AACS: variants seen among roughly 807,000 people sequenced by gnomAD.
The protein encoded by AACS is acetoacetyl-CoA synthetase.
A neutral mutation model predicts 83.1 loss-of-function variants in AACS; 69 were observed. The observed-to-expected ratio is 0.83, with a 90% CI of 0.68 to 1.01. The LOEUF (loss-of-function observed/expected upper bound fraction) is 1.01. Among genes scored for constraint, AACS ranks in the 50% least tolerant of loss-of-function variants. The pLI is 0.00. For missense variants in AACS, 866 were observed against 882.2 expected (o/e 0.98, Z 0.23); for synonymous variants, 333 against 343.4 (o/e 0.97, Z 0.33).
In AACS at chr12:125,130,445, A is replaced by G. The variant is rs1165272707; in HGVS notation, c.1549+985A>G. ...GATGTAGAGAAACACTCATCAGATG[A>G]CCCTGAAGAGGAGGGTAGGGCCTCC... is the stretch of plus-strand genomic sequence containing the variant. On this transcript the variant is annotated intron_variant, in intron 14 of 17. Coordinates refer to ENST00000316519, the MANE Select transcript of AACS (RefSeq NM_023928.5). The surrounding 1 kb of genome is among the most constrained non-coding windows in gnomAD (Gnocchi z 4.9). 6.6e-6 allele frequency among the ~76,000 whole-genome samples: 1 copy of G among 152,192 alleles called. No individual in the cohort carries two copies. Among genetic ancestry groups the G allele is most frequent in the Non-Finnish European group, 1.5e-5 (1 of 68,032 alleles).
chr12:125,078,241 G>C, intron 3 of AACS: 1 of 456,242 alleles, frequency 2.2e-6, no homozygotes, highest in Non-Finnish European at 4.4e-6. Context: ...TTCCCACCGA[G>C]ACTTACTGGG....
At position 125,142,157 on chromosome 12, in the gene AACS, G is replaced by A; in HGVS notation, c.1947G>A (p.Glu649=). ...AGATCATCGCTGGAAAAGCCGTGGA[G>A]CAAGGAGGTGCTTTCTCGAACCCCG... is the stretch of plus-strand genomic sequence containing the variant. The part of the protein sequence containing the change: ...VKQIIAGKAV[E]QGGAFSNPET... Residue 649 remains glutamate (E), a synonymous_variant, in exon 18 of 18, where the codon GAG becomes GAA. Coordinates refer to ENST00000316519, the MANE Select transcript of AACS (RefSeq NM_023928.5). The A allele has an allele frequency of 6.2e-7, 1 of 1,614,198 alleles. No homozygotes were observed. The highest frequency in any genetic ancestry group is 8.5e-7 in the Non-Finnish European group (1 of 1,180,042).
intron 9 of AACS, 86 bp from the exon 10 acceptor site, chr12:125,118,548 AGGTGGTT>A: frequency 6.5e-7 from 1 of 1,543,670 alleles, no homozygotes; most frequent in Non-Finnish European, 8.8e-7. Flanking sequence ...GCTCCATCTT[AGGTGGTT>A]TCCCAGGGAC....
At chr12:125,088,569 T>G (rs1358200612) in intron 4 of AACS, among the ~76,000 whole-genome samples, 1 of 152,194 alleles carries the variant, frequency 6.6e-6, no homozygotes, top group Non-Finnish European at 1.5e-5. Flanking sequence ...ACCTCACTTT[T>G]TGGGTTCTTG....
intron 8 of AACS, among the ~76,000 whole-genome samples, chr12:125,107,488 C>G (rs1188007198): frequency 2.6e-5 from 4 of 152,234 alleles, no homozygotes; most frequent in Admixed American, 2.6e-4. Context: ...GCACCTAACA[C>G]CATGGCGATA....
In AACS at chr12:125,103,073, T is replaced by G; in HGVS notation, c.759T>G (p.Ile253Met). ...SSRENIDLSKIPNSVFLDDFL... is the reference protein window; with the variant it reads ...SSRENIDLSKMPNSVFLDDFL... ...GAGAGAACATAGACCTTTCAAAGATTCCAAACAGGTAATGTACCGCATTCT... is the reference window on the plus strand; with the variant it reads ...GAGAGAACATAGACCTTTCAAAGATGCCAAACAGGTAATGTACCGCATTCT... The change falls in exon 7 of 18, where the codon ATT (isoleucine) becomes ATG (methionine). Residue 253 changes from isoleucine to methionine, a missense_variant. Ile to Met is a conservative substitution (Grantham distance 10). Coordinates refer to ENST00000316519, the MANE Select transcript of AACS (RefSeq NM_023928.5). 1 of 1,613,836 alleles carries G rather than the reference T, an allele frequency of 6.2e-7. No individual in the cohort carries two copies. The highest frequency in any genetic ancestry group is 8.5e-7 in the Non-Finnish European group (1 of 1,179,930).
chr12:125,077,021 C>T (rs1389602000), intron 3 of AACS, among the ~76,000 whole-genome samples: 1 of 151,886 alleles, frequency 6.6e-6, no homozygotes, highest in Non-Finnish European at 1.5e-5. Flanking sequence ...AATCCTCCCA[C>T]CTCAGCTTCC....
At chr12:125,132,552 C>T (rs1168370615) in intron 14 of AACS, among the ~76,000 whole-genome samples, 2 of 152,162 alleles carry the variant, frequency 1.3e-5, no homozygotes, top group Non-Finnish European at 2.9e-5. Context: ...AGAAGCTAGG[C>T]ACATCCATTG....
At position 125,134,180 on chromosome 12, in the gene AACS, A is replaced by G. The variant is rs561374386; in HGVS notation, c.1619+108A>G. ...AAAGTCAGTGACCCCCTTCCTGGGC[A>G]CCTCACTCCACTCCAGCACCAGGGT... On this transcript the variant is annotated intron_variant, in intron 15 of 17. Coordinates refer to ENST00000316519, the MANE Select transcript of AACS (RefSeq NM_023928.5). 58 of 1,164,002 alleles carry G rather than the reference A, an allele frequency of 5.0e-5. No homozygotes were observed. The East Asian group carries it at 1.3e-3, about 26-fold the overall frequency. 72.1% of individuals were successfully genotyped at this position (1,164,002 alleles called of 1,614,324 possible).
intron 3 of AACS, among the ~76,000 whole-genome samples, chr12:125,080,312 A>G (rs1042588302): frequency 3.3e-5 from 5 of 152,224 alleles, no homozygotes; most frequent in Admixed American, 6.5e-5. Flanking sequence ...GGGAACGGTC[A>G]AATGTGAATC....
At chr12:125,128,527 C>T in intron 13 of AACS, 1 of 319,858 alleles carries the variant, frequency 3.1e-6, no homozygotes, top group Non-Finnish European at 5.7e-6. Context: ...GAACAGTGGG[C>T]AGGTGGGTGG....
At chr12:125,089,918 C>T (rs1956426109) in intron 4 of AACS, among the ~76,000 whole-genome samples, 1 of 152,090 alleles carries the variant, frequency 6.6e-6, no homozygotes, top group Non-Finnish European at 1.5e-5. Flanking sequence ...TCCATCTATC[C>T]ATCCATTTAT....
Position 125,118,785 on chromosome 12 carries a change from G to C in AACS, c.1121+20G>C. On this transcript the variant is annotated intron_variant, in intron 10 of 17. Transcript: ENST00000316519. ...GATAGGGTAGGTACCAAGATGCTGT[G>C]CTCAAAGCAAGGGACAGGCAGCACC... is the stretch of plus-strand genomic sequence containing the variant. 1 of 1,613,294 alleles carries C rather than the reference G, an allele frequency of 6.2e-7. No homozygotes were observed. Among genetic ancestry groups the C allele is most frequent in the Non-Finnish European group, 8.5e-7 (1 of 1,179,604 alleles).
chr12:125,098,701 C>A (rs1365584102), intron 5 of AACS, among the ~76,000 whole-genome samples: 1 of 152,200 alleles, frequency 6.6e-6, no homozygotes, highest in Non-Finnish European at 1.5e-5. Flanking sequence ...GATCCACCCG[C>A]CTTGGCCTCC....
intron 7 of AACS, among the ~76,000 whole-genome samples, chr12:125,104,771 G>A (rs1171124381): frequency 6.6e-6 from 1 of 152,218 alleles, no homozygotes; most frequent in Admixed American, 6.5e-5. Context: ...GTCTCCATCT[G>A]TAAAATGGAG....
At chr12:125,071,526 C>T (rs1023181822) in intron 1 of AACS, among the ~76,000 whole-genome samples, 2 of 152,194 alleles carry the variant, frequency 1.3e-5, no homozygotes, top group Non-Finnish European at 2.9e-5. Context: ...TGCAAATTCA[C>T]GAAGTAGCCC....
intron 4 of AACS, among the ~76,000 whole-genome samples, chr12:125,088,058 A>C (rs1180992438): frequency 6.6e-6 from 1 of 152,060 alleles, no homozygotes; most frequent in Non-Finnish European, 1.5e-5. Context: ...CTGAACCTGC[A>C]GGGATCTTGG....
rs967920130 is a variant in AACS, at chr12:125,113,312, C to G, written c.916-1165C>G. On this transcript the variant is annotated intron_variant, in intron 8 of 17. Transcript: ENST00000316519. This position sits in a 1 kb window ranked among gnomAD's most constrained non-coding sequence, Gnocchi z 4.8. ...TTCAGCCTTCTAGGCCCTCCACAAC[C>G]AGGAGCACCTTTGTGATGAGCCAGA... 2.0e-5 allele frequency among the ~76,000 whole-genome samples: 3 copies of G among 152,234 alleles called. No individual in the cohort carries two copies. The highest frequency in any genetic ancestry group is 7.2e-5 in the African/African-American group (3 of 41,460).
Position 125,073,988 on chromosome 12 carries a change from AG to A in AACS, c.237+10del. 1 of 1,598,138 alleles carries A rather than the reference AG, an allele frequency of 6.3e-7. No homozygotes were observed. Among genetic ancestry groups the A allele is most frequent in the Non-Finnish European group, 8.6e-7 (1 of 1,168,830 alleles). ...CACGTGTGTATGATGAGGTAAGTAG[AG>A]ATTTTCCGTGGATATCATCTCTTTT... is the stretch of plus-strand genomic sequence containing the variant. On this transcript the variant is annotated intron_variant, in intron 2 of 17. Transcript: ENST00000316519.
Sources: allele counts gnomAD v4.1 joint callset (sites outside exome capture counted in the v4.1 genomes callset), GRCh38; gene constraint gnomAD v4.1.1; non-coding constraint Gnocchi (gnomAD v3.1); transcripts MANE v1.5; gene names NCBI Gene and HGNC (gene_info 2026-07-23, HGNC 2026-07-21).